The following PEBP4 variants were observed in gnomAD, a reference collection of about 807,000 sequenced individuals.
PEBP4 encodes the protein phosphatidylethanolamine-binding protein 4.
In PEBP4, 22 loss-of-function variants were observed where a neutral mutation model predicts 23.9. The observed-to-expected ratio is 0.92, with a 90% CI of 0.66 to 1.31. The LOEUF is 1.31. PEBP4 is among the 40% of genes most tolerant of loss of function. The pLI, the probability that PEBP4 is intolerant of heterozygous loss-of-function variation, is 0.00. For missense variants in PEBP4, 324 were observed against 281.7 expected, an observed-to-expected ratio of 1.15 and a Z score of -1.07; for synonymous variants, 112 against 99.3, an observed-to-expected ratio of 1.13 and a Z score of -0.76.
chr8:22,936,767 G>A (rs1462939259), intron 1 of PEBP4, among the ~76,000 whole-genome samples: 1 of 152,124 alleles, frequency 6.6e-6, no homozygotes, highest in African/African-American at 2.4e-5. Context: ...AACCAAGTGA[G>A]ATTTATTTCT....
chr8:22,772,492 TC>T (rs1247147582), intron 4 of PEBP4, among the ~76,000 whole-genome samples: 4 of 76,596 alleles, frequency 5.2e-5, no homozygotes, highest in Admixed American at 1.7e-4. Flanking sequence ...TCTCTCTCTC[TC>T]TTTTTTTTTT....
chr8:22,793,972 CCAAAA>C (rs1179325854), intron 4 of PEBP4, among the ~76,000 whole-genome samples: 1 of 152,028 alleles, frequency 6.6e-6, no homozygotes, highest in Non-Finnish European at 1.5e-5. Flanking sequence ...TTTTTAAAAA[CCAAAA>C]CAAAAGTCAA....
intron 3 of PEBP4, among the ~76,000 whole-genome samples, chr8:22,833,775 G>A (rs1044076263): frequency 6.6e-6 from 1 of 152,202 alleles, no homozygotes; most frequent in Admixed American, 6.5e-5. Context: ...GAATCACCAG[G>A]GGAACTCTTC....
chr8:22,769,253 C>A (rs1008036075), intron 4 of PEBP4, among the ~76,000 whole-genome samples: 6 of 152,192 alleles, frequency 3.9e-5, no homozygotes, highest in African/African-American at 1.4e-4. Flanking sequence ...TCCCTCAGGC[C>A]CATACTCTTG....
chr8:22,888,773 T>G (rs1280559138), intron 3 of PEBP4, among the ~76,000 whole-genome samples: 2 of 152,248 alleles, frequency 1.3e-5, no homozygotes, highest in East Asian at 3.8e-4. Context: ...TGTGCCCAGC[T>G]GACTGGTTCC....
chr8:22,774,969 G>C (rs1805787190), intron 4 of PEBP4, among the ~76,000 whole-genome samples: 1 of 151,964 alleles, frequency 6.6e-6, no homozygotes, highest in Non-Finnish European at 1.5e-5. Flanking sequence ...TCTTTCCTTG[G>C]TCCTGCCAGC....
rs569006336 is a variant in PEBP4, at chr8:22,889,723, G to A, written c.258+30461C>T. Among the ~76,000 whole-genome samples, 11 of 151,662 alleles carry A rather than the reference G, an allele frequency of 7.3e-5. No homozygotes were observed. In the East Asian group the frequency reaches 1.6e-3, roughly 21 times the overall value. On this transcript the variant is annotated intron_variant, in intron 3 of 6. Coordinates refer to ENST00000256404, the MANE Select transcript of PEBP4 (RefSeq NM_144962.3). The stretch of plus-strand genomic sequence containing the variant: ...TGCAGAAATATGTTTTTAAAAGGCC[G>A]GTAAATAAAGTTCCTATCGATTTGA...
At chr8:22,767,146 A>G (rs1280473273) in intron 4 of PEBP4, among the ~76,000 whole-genome samples, 2 of 152,244 alleles carry the variant, frequency 1.3e-5, no homozygotes, top group African/African-American at 2.4e-5. Context: ...GGGCTGCTTC[A>G]TACAGCACAA....
chr8:22,837,621 G>A (rs955112778), intron 3 of PEBP4, among the ~76,000 whole-genome samples: 2 of 152,174 alleles, frequency 1.3e-5, no homozygotes, highest in Non-Finnish European at 2.9e-5. Context: ...GACGGAGGAT[G>A]TTTCTGATCT....
intron 4 of PEBP4, among the ~76,000 whole-genome samples, chr8:22,747,300 T>C (rs1422640410): frequency 6.6e-6 from 1 of 152,226 alleles, no homozygotes; most frequent in Admixed American, 6.5e-5. Context: ...GCCCCCACCC[T>C]TGTTCAGGCT....
rs181470067 is a variant in PEBP4, at chr8:22,871,296, T to G, written c.258+48888A>C. 2.6e-5 allele frequency among the ~76,000 whole-genome samples: 4 copies of G among 152,274 alleles called. No homozygotes were observed. The South Asian group carries it at 8.3e-4, about 32-fold the overall frequency. ...CCCCTCTAGGCTTGGGCCCACATTT[T>G]GCACCCCCATCACTGTTGTGGGAAA... On this transcript the variant is annotated intron_variant, in intron 3 of 6. Transcript: ENST00000256404.
intron 3 of PEBP4, among the ~76,000 whole-genome samples, chr8:22,846,142 G>A (rs1222037460): frequency 6.6e-6 from 1 of 152,204 alleles, no homozygotes; most frequent in Non-Finnish European, 1.5e-5. Flanking sequence ...ATGCCACCCT[G>A]CATACACTGT....
At position 22,920,353 on chromosome 8, in the gene PEBP4, G is replaced by A. The variant is rs754677651; in HGVS notation, c.132-43C>T. 7.6e-6 allele frequency: 12 copies of A among 1,584,946 alleles called. No individual in the cohort carries two copies. In the African/African-American group the frequency reaches 1.5e-4, roughly 20 times the overall value. On this transcript the variant is annotated intron_variant, in intron 2 of 6. Transcript: ENST00000256404. ...AGGTTGCCCTGTGTCAGGGTTTTAA[G>A]GGAGCCTGGGGTTCCCAAGGCTTCA...
At chr8:22,837,196 C>A (rs749468489) in intron 3 of PEBP4, among the ~76,000 whole-genome samples, 4 of 152,206 alleles carry the variant, frequency 2.6e-5, no homozygotes, top group Non-Finnish European at 5.9e-5. Flanking sequence ...TGCGCTAGCT[C>A]TTGCCTCTAT....
At chr8:22,850,198 CTTG>C in intron 3 of PEBP4, among the ~76,000 whole-genome samples, 1 of 152,076 alleles carries the variant, frequency 6.6e-6, no homozygotes. Flanking sequence ...TGGGATGATT[CTTG>C]TTCTTCTTCT....
chr8:22,759,011 G>T (rs1805448175), intron 4 of PEBP4, among the ~76,000 whole-genome samples: 1 of 152,140 alleles, frequency 6.6e-6, no homozygotes. Context: ...GAGGGGGCGA[G>T]GGTGGGAGGA....
At chr8:22,804,337 A>G (rs1025643378) in intron 4 of PEBP4, among the ~76,000 whole-genome samples, 2 of 152,104 alleles carry the variant, frequency 1.3e-5, no homozygotes, top group African/African-American at 4.8e-5. Context: ...TCTCCTGAAA[A>G]CAACAAAAAT....
intron 4 of PEBP4, among the ~76,000 whole-genome samples, chr8:22,815,322 G>T (rs1258295455): frequency 6.6e-6 from 1 of 152,196 alleles, no homozygotes; most frequent in Non-Finnish European, 1.5e-5. Context: ...CAGACCGACC[G>T]AGGTGGAAGT....
chr8:22,713,260 ATT>A lies in PEBP4; in HGVS notation c.*108_*109del. ...GATACAAAGCACCAAGCCCTGGATG[ATT>A]TTTTTTTTATTTGGAAAAGAAGGGG... On this transcript the variant is annotated 3_prime_UTR_variant, in exon 7 of 7. Transcript: ENST00000256404. 2 of 1,329,822 alleles carry A rather than the reference ATT, an allele frequency of 1.5e-6. No homozygotes were observed. Among genetic ancestry groups the A allele is most frequent in the African/African-American group, 1.5e-5 (1 of 65,896 alleles). 82.4% of individuals were successfully genotyped at this position (1,329,822 alleles called of 1,614,324 possible).
Sources: gnomAD v4.1 joint callset for allele counts (sites outside exome capture counted in the v4.1 genomes callset) on GRCh38, gnomAD v4.1.1 for gene constraint, MANE v1.5 for transcripts, NCBI Gene and HGNC (gene_info 2026-07-23, HGNC 2026-07-21) for gene names.